Variants in TLCD4 observed in about 807,000 individuals in gnomAD.
TLCD4 encodes TLC domain-containing protein 4.
TLCD4 carries 7 observed loss-of-function variants against 24.2 expected under a neutral mutation model. The observed-to-expected ratio is 0.29, with a 90% CI of 0.16 to 0.54. The LOEUF is 0.54. Ranked by LOEUF, TLCD4 falls within the 20% of genes least tolerant of loss-of-function variation. TLCD4 has a pLI of 0.95. For synonymous variants in TLCD4, 103 were observed against 106.4 expected (o/e 0.97, Z 0.20); for missense variants, 259 against 313.9 (o/e 0.82, Z 1.32).
chr1:95,134,128 A>G (rs989149528), intron 1 of TLCD4, among the ~76,000 whole-genome samples: 3 of 152,246 alleles, frequency 2.0e-5, no homozygotes, highest in African/African-American at 7.2e-5. Flanking sequence ...ATAGGGGACA[A>G]TAAAGGTTCA....
the TLCD4 span, among the ~76,000 whole-genome samples, chr1:95,095,228 C>T: frequency 3.3e-5 from 5 of 152,074 alleles, no homozygotes; most frequent in Non-Finnish European, 5.9e-5. Context: ...TGGGGTCACA[C>T]AGGAGCAGTT....
chr1:95,129,765 A>C (rs749722478), intron 1 of TLCD4, among the ~76,000 whole-genome samples: 4 of 152,194 alleles, frequency 2.6e-5, no homozygotes, highest in Non-Finnish European at 2.9e-5. Flanking sequence ...TAACTTAATT[A>C]TATGAACATA....
the TLCD4 span, among the ~76,000 whole-genome samples, chr1:95,095,388 G>GTTTTTA: frequency 0.017 from 2,643 of 151,848 alleles, 70 homozygotes; most frequent in East Asian, 0.11. Context: ...CCTCTTTAGG[G>GTTTTTA]TTTTTATTTT....
chr1:95,136,935 A>G (rs1054268167), intron 1 of TLCD4, among the ~76,000 whole-genome samples: 2 of 151,896 alleles, frequency 1.3e-5, no homozygotes, highest in African/African-American at 4.8e-5. Context: ...GCGAAGTAGA[A>G]CCTGTGGGGC....
intron 5 of TLCD4, among the ~76,000 whole-genome samples, chr1:95,162,156 A>G (rs12140777): frequency 0.18 from 27,886 of 151,906 alleles, 2,688 homozygotes; most frequent in East Asian, 0.29. Context: ...GTAGGTCTCT[A>G]AGGACTTGCT....
chr1:95,147,787 T>C (rs555865335), intron 2 of TLCD4, among the ~76,000 whole-genome samples: 1 of 152,320 alleles, frequency 6.6e-6, no homozygotes, highest in South Asian at 2.1e-4. Flanking sequence ...TGTGAACTTC[T>C]CAATAAAGAT....
At chr1:95,136,151 C>T (rs1677035653) in intron 1 of TLCD4, among the ~76,000 whole-genome samples, 1 of 151,802 alleles carries the variant, frequency 6.6e-6, no homozygotes, top group Non-Finnish European at 1.5e-5. Context: ...TCTAAGGGTA[C>T]TTTGGTATGT....
intron 1 of TLCD4, among the ~76,000 whole-genome samples, chr1:95,121,338 A>G (rs924148713): frequency 6.6e-6 from 1 of 152,182 alleles, no homozygotes; most frequent in Non-Finnish European, 1.5e-5. Context: ...GAGGGTGAGT[A>G]GGAGGCTCAC....
At chr1:95,167,434 T>G (rs1328105579) in intron 5 of TLCD4, among the ~76,000 whole-genome samples, 1 of 152,140 alleles carries the variant, frequency 6.6e-6, no homozygotes, top group Non-Finnish European at 1.5e-5. Flanking sequence ...AGTGGTGGTA[T>G]CTGTTGGGAA....
At chr1:95,110,077 G>A in the TLCD4 span, among the ~76,000 whole-genome samples, 6 of 148,668 alleles carry the variant, frequency 4.0e-5, no homozygotes, top group Admixed American at 3.4e-4. Context: ...TACATGTGAG[G>A]ATATACATAT....
chr1:95,143,905 G>C lies in TLCD4; in HGVS notation c.4G>C (p.Glu2Gln), dbSNP rs373896272. 11 of 1,422,784 alleles carry C rather than the reference G, an allele frequency of 7.7e-6. No individual in the cohort carries two copies. The highest frequency in any genetic ancestry group is 2.9e-5 in the African/African-American group (2 of 67,994). 88.1% of individuals were successfully genotyped at this position (1,422,784 alleles called of 1,614,324 possible). A position where few individuals can be genotyped will look rare whatever the true frequency, so the allele number is the denominator to read the frequency against. M[E>Q]INTKLLISVT... ...TATCTTAACAGGTTGAAGAAATATG[G>C]AGATCAACACAAAACTGCTCATCAG... Residue 2 changes from glutamate (E) to glutamine (Q), a missense_variant, in exon 2 of 7, where the codon GAG becomes CAG. Coordinates refer to ENST00000370203, the MANE Select transcript of TLCD4 (RefSeq NM_152487.3).
chr1:95,108,433 G>A, the TLCD4 span, among the ~76,000 whole-genome samples: 3 of 152,180 alleles, frequency 2.0e-5, no homozygotes, highest in South Asian at 6.2e-4. Flanking sequence ...GAGTGCCGTG[G>A]TGCAATCATG....
chr1:95,119,402 A>G (rs1223428544), intron 1 of TLCD4, among the ~76,000 whole-genome samples: 1 of 152,202 alleles, frequency 6.6e-6, no homozygotes, highest in Non-Finnish European at 1.5e-5. Context: ...AGACTGATTA[A>G]GAGCCTTCCC....
chr1:95,132,180 C>T (rs1034007494), intron 1 of TLCD4, among the ~76,000 whole-genome samples: 1 of 152,118 alleles, frequency 6.6e-6, no homozygotes, highest in African/African-American at 2.4e-5. Context: ...CCCAGATGGG[C>T]GTGGTGGCTC....
intron 6 of TLCD4, among the ~76,000 whole-genome samples, chr1:95,186,443 T>A (rs934848874): frequency 2.0e-5 from 3 of 152,126 alleles, no homozygotes; most frequent in Non-Finnish European, 4.4e-5. Context: ...TGAAGTTAAC[T>A]TGGAGTTTGG....
chr1:95,191,975 G>A lies in TLCD4; in HGVS notation c.*107G>A, dbSNP rs1679043556. ...CTTTCTTAATTATAATTGTTATTCAGGATTTCAGTGTCATTTTTTTTAAAC... is the reference window on the plus strand; with the variant it reads ...CTTTCTTAATTATAATTGTTATTCAAGATTTCAGTGTCATTTTTTTTAAAC... On this transcript the variant is annotated 3_prime_UTR_variant, in exon 7 of 7. Coordinates refer to ENST00000370203, the MANE Select transcript of TLCD4 (RefSeq NM_152487.3). 6.8e-7 allele frequency: 1 copy of A among 1,461,348 alleles called. No homozygotes were observed. The allele number at this position is 1,461,348 out of a possible 1,614,324, so 90.5% of individuals were successfully genotyped here. A position where few individuals can be genotyped will look rare whatever the true frequency, so the allele number is the denominator to read the frequency against.
intron 1 of TLCD4, among the ~76,000 whole-genome samples, chr1:95,136,044 T>C (rs1250951607): frequency 6.6e-6 from 1 of 151,972 alleles, no homozygotes; most frequent in African/African-American, 2.4e-5. Context: ...TTCAAGTTTT[T>C]TTTTTTTATT....
intron 2 of TLCD4, among the ~76,000 whole-genome samples, chr1:95,146,597 A>C (rs1421637324): frequency 6.6e-6 from 1 of 152,116 alleles, no homozygotes. Context: ...ATTTCTTTTT[A>C]GATACTAAGG....
upstream of TLCD4, among the ~76,000 whole-genome samples, chr1:95,116,092 T>C (rs1676424701): frequency 6.6e-6 from 1 of 152,154 alleles, no homozygotes; most frequent in African/African-American, 2.4e-5. Flanking sequence ...GGAACACGCA[T>C]TTGGGGGCCT....
Sources: allele counts gnomAD v4.1 joint callset (sites outside exome capture counted in the v4.1 genomes callset), GRCh38; gene constraint gnomAD v4.1.1; transcripts MANE v1.5; gene names NCBI Gene and HGNC (gene_info 2026-07-23, HGNC 2026-07-21).